The following CASP2 variants were observed in gnomAD, a reference collection of about 807,000 sequenced individuals.
The protein encoded by CASP2 is caspase-2.
Under a neutral mutation model 54.4 loss-of-function variants are expected in CASP2, and 38 were observed. That is an observed-to-expected ratio of 0.70 (90% CI 0.54 to 0.92). The LOEUF is 0.92. Ranked by LOEUF, CASP2 falls within the 40% of genes least tolerant of loss-of-function variation. The pLI, the probability that CASP2 is intolerant of heterozygous loss-of-function variation, is 0.00. For synonymous variants in CASP2, 215 were observed against 216.3 expected (o/e 0.99, Z 0.05); for missense variants, 512 against 579.6 (o/e 0.88, Z 1.20).
chr7:143,305,219 C>T lies in CASP2; in HGVS notation c.*148C>T. 9.5e-7 allele frequency: 1 copy of T among 1,057,868 alleles called. No homozygotes were observed. The highest frequency in any genetic ancestry group is 1.4e-6 in the Non-Finnish European group (1 of 708,468). The allele number at this position is 1,057,868 out of a possible 1,614,324, so 65.5% of individuals were successfully genotyped here. On this transcript the variant is annotated 3_prime_UTR_variant, in exon 11 of 11. Coordinates refer to ENST00000310447, the MANE Select transcript of CASP2 (RefSeq NM_032982.4). Reference sequence around the variant, plus strand: ...GACTTGTTTCCTGTGCCCATCATCTCTGCCTTTGAGTGTGGGACTCCAGGC... The same window carrying T: ...GACTTGTTTCCTGTGCCCATCATCTTTGCCTTTGAGTGTGGGACTCCAGGC...
intron 6 of CASP2, among the ~76,000 whole-genome samples, chr7:143,297,638 G>A (rs1801794750): frequency 6.6e-6 from 1 of 151,972 alleles, no homozygotes; most frequent in Admixed American, 6.5e-5. Flanking sequence ...GTAGAGACAG[G>A]GTTTCATCAC....
At chr7:143,303,601 T>A (rs1801983842) in intron 8 of CASP2, 183 bp from the exon 9 acceptor site, 2 of 548,714 alleles carry the variant, frequency 3.6e-6, no homozygotes, top group Non-Finnish European at 3.3e-6. Context: ...GAGTAACAGA[T>A]GCATGCTGAG....
At chr7:143,291,496 C>A in intron 1 of CASP2, 44 bp from the exon 2 acceptor site, 1 of 1,605,822 alleles carries the variant, frequency 6.2e-7, no homozygotes, top group South Asian at 1.1e-5. Flanking sequence ...TCTTCTGTGT[C>A]AAATTGTGAC....
Position 143,294,224 on chromosome 7 carries a change from CCA to C in CASP2, c.476-3_476-2del, listed in dbSNP as rs773518370. On this transcript the variant is annotated splice_polypyrimidine_tract_variant and splice_region_variant and intron_variant, in intron 4 of 10. Transcript: ENST00000310447. ...CTAGTTTTTTGGTTTTCTGTCTATA[CCA>C]CAGATACTGTGGAACACTCCCTAGA... 1 of 1,567,950 alleles carries C rather than the reference CCA, an allele frequency of 6.4e-7. No homozygotes were observed. Among genetic ancestry groups the C allele is most frequent in the South Asian group, 1.1e-5 (1 of 90,194 alleles).
intron 8 of CASP2, chr7:143,303,367 T>C (rs1029203660): frequency 2.5e-5 from 4 of 161,274 alleles, no homozygotes; most frequent in African/African-American, 9.6e-5. Flanking sequence ...TTTATGTAAT[T>C]AAATATATCA....
At chr7:143,292,175 C>A in intron 2 of CASP2, 125 bp from the exon 3 acceptor site, 1 of 878,394 alleles carries the variant, frequency 1.1e-6, no homozygotes, top group South Asian at 1.4e-5. Context: ...AGGACTTCAC[C>A]CATACATACA....
rs529629744 is a variant in CASP2, at chr7:143,297,458, TA to T, written c.748-2464del. On this transcript the variant is annotated intron_variant, in intron 6 of 10. Coordinates refer to ENST00000310447, the MANE Select transcript of CASP2 (RefSeq NM_032982.4). Reference sequence around the variant, plus strand: ...ATATAATTTTTGTTTTCTTTTTTTTTATTTTGAGATGGAGTTTCACTTTTGT... The same window carrying T: ...ATATAATTTTTGTTTTCTTTTTTTTTTTTTGAGATGGAGTTTCACTTTTGT... Among the ~76,000 whole-genome samples, 97 of 152,354 alleles carry T rather than the reference TA, an allele frequency of 6.4e-4. 1 individual carries two copies. The highest frequency in any genetic ancestry group is 3.4e-3 in the Middle Eastern group (1 of 294).
In CASP2 at chr7:143,300,623, T is replaced by C. The variant is rs192869373; in HGVS notation, c.967+329T>C. On this transcript the variant is annotated intron_variant, in intron 8 of 10. Coordinates refer to ENST00000310447, the MANE Select transcript of CASP2 (RefSeq NM_032982.4). ...TTAACTCTGGTGCCCTTTTTTTGGT[T>C]ACTCATTCCAGTTACGGATTTTTGA... 4.0e-5 allele frequency: 53 copies of C among 1,340,752 alleles called. No individual in the cohort carries two copies. The East Asian group carries it at 1.8e-3, about 47-fold the overall frequency. 83.1% of individuals were successfully genotyped at this position (1,340,752 alleles called of 1,614,324 possible). A position where few individuals can be genotyped will look rare whatever the true frequency, so the allele number is the denominator to read the frequency against.
chr7:143,293,385 C>T (rs890350539), intron 4 of CASP2, among the ~76,000 whole-genome samples: 1 of 152,138 alleles, frequency 6.6e-6, no homozygotes, highest in African/African-American at 2.4e-5. Flanking sequence ...GCCTTGGCCT[C>T]CCAAAGTGCT....
chr7:143,293,183 A>G lies in CASP2; in HGVS notation c.475+485A>G, dbSNP rs1329393624. 1.2e-5 allele frequency: 8 copies of G among 653,730 alleles called. No individual in the cohort carries two copies. In the Middle Eastern group the frequency reaches 1.2e-3, roughly 98 times the overall value. 40.5% of individuals were successfully genotyped at this position (653,730 alleles called of 1,614,324 possible). The stretch of plus-strand genomic sequence containing the variant: ...TGTTCTGTCACCCAGGCTGGAATGC[A>G]GTGACACCACCATAGCTCACTGCAG... On this transcript the variant is annotated intron_variant, in intron 4 of 10. Transcript: ENST00000310447.
chr7:143,306,965 A>G lies in CASP2; in HGVS notation c.*1894A>G, dbSNP rs1032270342. ...TGATTTCTTGCTAAGCTCCAGCCCG[A>G]GTGGTCTCCTCTCAGCTTCTAATTT... On this transcript the variant is annotated 3_prime_UTR_variant, in exon 11 of 11. Coordinates refer to ENST00000310447, the MANE Select transcript of CASP2 (RefSeq NM_032982.4). 6.6e-6 allele frequency: 1 copy of G among 152,154 alleles called. No individual in the cohort carries two copies. The highest frequency in any genetic ancestry group is 6.6e-5 in the Admixed American group (1 of 15,264). 9.4% of individuals were successfully genotyped at this position (152,154 alleles called of 1,614,324 possible).
rs765842204 is a variant in CASP2 at position 143,291,709 on chromosome 7, G to C, written c.225+19G>C. 1 of 1,583,568 alleles carries C rather than the reference G, an allele frequency of 6.3e-7. No individual in the cohort carries two copies. The stretch of plus-strand genomic sequence containing the variant: ...CATCCAGGTATCTGGAGGCAAAAGA[G>C]AGAAGATAAATTGATCATGGGGTGG... On this transcript the variant is annotated intron_variant, in intron 2 of 10. Transcript: ENST00000310447.
rs780792819 is a variant in CASP2 at position 143,300,409 on chromosome 7, C to T, written c.967+115C>T. On this transcript the variant is annotated intron_variant, in intron 8 of 10. Coordinates refer to ENST00000310447, the MANE Select transcript of CASP2 (RefSeq NM_032982.4). ...TATTGGATCCCTTGGGCACCTCCTT[C>T]TGTTCACTGCTGCCACCGCCTCTCT... The T allele has an allele frequency of 1.4e-5, 22 of 1,598,710 alleles. 1 individual carries two copies. In the Admixed American group the frequency reaches 2.0e-4, roughly 15 times the overall value.
chr7:143,296,071 A>ACTATT (rs1185859659), intron 6 of CASP2, among the ~76,000 whole-genome samples: 4 of 152,224 alleles, frequency 2.6e-5, no homozygotes, highest in African/African-American at 4.8e-5. Flanking sequence ...GCAGCTGATA[A>ACTATT]AGGATCTTAC....
intron 8 of CASP2, chr7:143,301,012 C>T (rs1042631329): frequency 3.9e-6 from 3 of 778,654 alleles, no homozygotes; most frequent in Non-Finnish European, 3.1e-6. Flanking sequence ...TTACTAGTAA[C>T]GTGAAGTTAA....
intron 4 of CASP2, 31 bp downstream of exon 4, chr7:143,292,729 G>A: frequency 1.3e-6 from 2 of 1,567,874 alleles, no homozygotes; most frequent in Non-Finnish European, 8.8e-7. Context: ...AGGGGTCCCA[G>A]GCCAGGTGCC....
chr7:143,292,780 G>A (rs1801615776), intron 4 of CASP2, 82 bp downstream of exon 4: 1 of 1,132,628 alleles, frequency 8.8e-7, no homozygotes, highest in Non-Finnish European at 1.3e-6. Context: ...CGGGGCCAAG[G>A]CGGGTGGATC....
intron 6 of CASP2, among the ~76,000 whole-genome samples, chr7:143,295,172 C>T (rs950689510): frequency 2.0e-5 from 3 of 152,214 alleles, no homozygotes; most frequent in East Asian, 3.9e-4. Context: ...GAACTGCAGG[C>T]GCATGCAACC....
intron 8 of CASP2, chr7:143,300,934 T>C (rs572352339): frequency 1.1e-5 from 11 of 1,006,994 alleles, no homozygotes; most frequent in Non-Finnish European, 1.3e-5. Flanking sequence ...TAGGTGTGCT[T>C]CTCATCCTGG....
Sources: allele counts gnomAD v4.1 joint callset (sites outside exome capture counted in the v4.1 genomes callset), GRCh38; gene constraint gnomAD v4.1.1; transcripts MANE v1.5; gene names NCBI Gene and HGNC (gene_info 2026-07-23, HGNC 2026-07-21).